Variants in EDAR observed in about 807,000 individuals in gnomAD.
The protein encoded by EDAR is tumor necrosis factor receptor superfamily member EDAR.
In EDAR, 38 loss-of-function variants were observed where a neutral mutation model predicts 51.3. The ratio of observed to expected loss-of-function variants is 0.74; its 90% CI spans 0.57 to 0.97. The LOEUF is 0.97. Ranked by LOEUF, EDAR falls within the 50% of genes least tolerant of loss-of-function variation. EDAR has a pLI of 0.00. For missense variants in EDAR, 528 were observed against 595.0 expected, an observed-to-expected ratio of 0.89 and a Z score of 1.17; for synonymous variants, 227 against 242.1, an observed-to-expected ratio of 0.94 and a Z score of 0.58.
chr2:108,934,409 C>A (rs2105456642), intron 1 of EDAR, among the ~76,000 whole-genome samples: 1 of 152,272 alleles, frequency 6.6e-6, no homozygotes, highest in South Asian at 2.1e-4. Context: ...CCTGGCGATG[C>A]TGCTGGGGTA....
chr2:108,987,545 C>T, intron 1 of EDAR, among the ~76,000 whole-genome samples: 1 of 152,218 alleles, frequency 6.6e-6, no homozygotes, highest in East Asian at 1.9e-4. Flanking sequence ...AAGCAAGAAA[C>T]CAGGTAGTGG....
chr2:108,940,539 T>C (rs1441121525), intron 1 of EDAR, among the ~76,000 whole-genome samples: 1 of 152,106 alleles, frequency 6.6e-6, no homozygotes, highest in African/African-American at 2.4e-5. Context: ...GGGCCATGCC[T>C]GAGCCCCAGA....
intron 1 of EDAR, among the ~76,000 whole-genome samples, chr2:108,986,642 T>TC (rs1698506250): frequency 6.6e-6 from 1 of 152,170 alleles, no homozygotes; most frequent in African/African-American, 2.4e-5. Context: ...AGCCTCAATT[T>TC]CCTTATTGGG....
chr2:108,987,518 G>C (rs1052466608), intron 1 of EDAR, among the ~76,000 whole-genome samples: 1 of 152,238 alleles, frequency 6.6e-6, no homozygotes, highest in East Asian at 1.9e-4. Flanking sequence ...CCAACAAAAT[G>C]AAAGTCCAGC....
chr2:108,941,136 G>C (rs913622998), intron 1 of EDAR, among the ~76,000 whole-genome samples: 1 of 152,184 alleles, frequency 6.6e-6, no homozygotes, highest in African/African-American at 2.4e-5. Context: ...TATAATACCT[G>C]TGATGCGTCT....
At chr2:108,975,461 C>G (rs576664836) in intron 1 of EDAR, among the ~76,000 whole-genome samples, 1 of 152,158 alleles carries the variant, frequency 6.6e-6, no homozygotes, top group Non-Finnish European at 1.5e-5. Flanking sequence ...GCAAGACCTG[C>G]GTCTACTTTA....
Position 108,984,439 on chromosome 2 carries a change from G to A in EDAR, c.-19+4521C>T, listed in dbSNP as rs188571205. ...AATGAGAGCCCAGCCCCCTTGCCACGGCCCGCTCAGGCTCCTGGTTCTCCT... is the reference window on the plus strand; with the variant it reads ...AATGAGAGCCCAGCCCCCTTGCCACAGCCCGCTCAGGCTCCTGGTTCTCCT... On this transcript the variant is annotated intron_variant, in intron 1 of 11. Coordinates refer to ENST00000258443, the MANE Select transcript of EDAR (RefSeq NM_022336.4). Among the ~76,000 whole-genome samples the A allele has an allele frequency of 9.9e-5, 15 of 152,150 alleles. No homozygotes were observed. The East Asian group carries it at 2.1e-3, about 22-fold the overall frequency.
chr2:108,941,238 CATTT>C (rs965630653), intron 1 of EDAR, among the ~76,000 whole-genome samples: 3 of 152,144 alleles, frequency 2.0e-5, no homozygotes, highest in Non-Finnish European at 4.4e-5. Context: ...TTGCCCATTC[CATTT>C]GTTTTTGCTA....
intron 1 of EDAR, among the ~76,000 whole-genome samples, chr2:108,974,361 C>T (rs1284931847): frequency 6.8e-6 from 1 of 147,394 alleles, no homozygotes; most frequent in Non-Finnish European, 1.5e-5. Flanking sequence ...AAAAGAAATG[C>T]CACATATTGA....
chr2:108,918,432 G>C (rs1203486053), intron 5 of EDAR, among the ~76,000 whole-genome samples: 1 of 152,206 alleles, frequency 6.6e-6, no homozygotes, highest in African/African-American at 2.4e-5. Context: ...GTTTCTGTTG[G>C]GTGGCCAACT....
At chr2:108,966,987 T>C (rs1490904131) in intron 1 of EDAR, among the ~76,000 whole-genome samples, 1 of 152,180 alleles carries the variant, frequency 6.6e-6, no homozygotes. Context: ...CAGGCTGGAG[T>C]GCTGTGGCAC....
chr2:108,938,658 A>G (rs1455263924), intron 1 of EDAR, among the ~76,000 whole-genome samples: 8 of 149,194 alleles, frequency 5.4e-5, no homozygotes, highest in Admixed American at 4.0e-4. Flanking sequence ...AGAAGTTTTG[A>G]AAAAAAAAAT....
chr2:108,963,359 G>A (rs946472867), intron 1 of EDAR, among the ~76,000 whole-genome samples: 2 of 152,162 alleles, frequency 1.3e-5, no homozygotes, highest in Admixed American at 6.5e-5. Context: ...CTGTTTCTAG[G>A]ATGCCTAGAG....
intron 1 of EDAR, among the ~76,000 whole-genome samples, chr2:108,969,302 A>G (rs1237552222): frequency 6.6e-6 from 1 of 152,072 alleles, no homozygotes; most frequent in Non-Finnish European, 1.5e-5. Flanking sequence ...TGTCTTTCCA[A>G]GACCTTATTT....
chr2:108,895,498 A>ATGT lies in EDAR; in HGVS notation c.*1406_*1408dup, dbSNP rs1213190988. 5 of 152,218 alleles carry ATGT rather than the reference A, an allele frequency of 3.3e-5. No homozygotes were observed. The East Asian group carries it at 9.6e-4, about 29-fold the overall frequency. The allele number at this position is 152,218 out of a possible 1,614,324, so 9.4% of individuals were successfully genotyped here. ...CAGTTTATTAACTTTCTGCCTATAAATGTTATGTCAAACCATTGCAGTTAT... is the reference window on the plus strand; with the variant it reads ...CAGTTTATTAACTTTCTGCCTATAAATGTTGTTATGTCAAACCATTGCAGTTAT... On this transcript the variant is annotated 3_prime_UTR_variant, in exon 12 of 12. Transcript: ENST00000258443.
intron 1 of EDAR, among the ~76,000 whole-genome samples, chr2:108,953,190 T>G (rs1035441459): frequency 6.6e-6 from 1 of 152,230 alleles, no homozygotes; most frequent in Admixed American, 6.5e-5. Flanking sequence ...GTGGCTGAGC[T>G]TTCTGCATTC....
intron 1 of EDAR, among the ~76,000 whole-genome samples, chr2:108,970,444 T>A (rs919729563): frequency 2.0e-5 from 3 of 152,052 alleles, no homozygotes; most frequent in African/African-American, 7.2e-5. Flanking sequence ...GTGAGGAGGA[T>A]CCTGACATTG....
At chr2:108,912,172 TGAGA>T (rs907225324) in intron 6 of EDAR, among the ~76,000 whole-genome samples, 19 of 151,950 alleles carry the variant, frequency 1.3e-4, no homozygotes, top group African/African-American at 4.4e-4. Context: ...ACTAAACCAG[TGAGA>T]GAGAAAGGCC....
intron 5 of EDAR, among the ~76,000 whole-genome samples, chr2:108,919,236 G>A (rs576002969): frequency 2.0e-5 from 3 of 152,348 alleles, no homozygotes; most frequent in African/African-American, 7.2e-5. Flanking sequence ...AGTACGCAGA[G>A]TAGCAGAGAT....
Sources: allele counts gnomAD v4.1 joint callset (sites outside exome capture counted in the v4.1 genomes callset), GRCh38; gene constraint gnomAD v4.1.1; transcripts MANE v1.5; gene names NCBI Gene and HGNC (gene_info 2026-07-23, HGNC 2026-07-21).